DSCAM: variants seen among roughly 807,000 people sequenced by gnomAD.
DSCAM encodes cell adhesion molecule DSCAM.
Under a neutral mutation model 217.7 loss-of-function variants are expected in DSCAM, and 47 were observed. The ratio of observed to expected loss-of-function variants is 0.22; its 90% CI spans 0.17 to 0.28. The LOEUF (loss-of-function observed/expected upper bound fraction) is 0.28, where lower values mean the gene tolerates loss of function less well. DSCAM is among the 10% of genes least tolerant of loss of function. DSCAM has a pLI of 1.00. For synonymous variants in DSCAM, 1,056 were observed against 1,015.3 expected (o/e 1.04, Z -0.76); for missense variants, 2,080 against 2,618.3 (o/e 0.79, Z 4.49).
chr21:40,820,004 T>C (rs1409575806), intron 1 of DSCAM, among the ~76,000 whole-genome samples: 1 of 151,996 alleles, frequency 6.6e-6, no homozygotes, highest in Non-Finnish European at 1.5e-5. Flanking sequence ...ATAATGTGTG[T>C]AGGGATATAT....
chr21:40,489,256 G>A (rs376138973), intron 3 of DSCAM, among the ~76,000 whole-genome samples: 47 of 152,218 alleles, frequency 3.1e-4, no homozygotes, highest in African/African-American at 1.1e-3. Context: ...TCAGTTAAAG[G>A]CCTAAATGGA....
At chr21:40,764,993 C>T (rs2091373209) in intron 1 of DSCAM, among the ~76,000 whole-genome samples, 1 of 151,590 alleles carries the variant, frequency 6.6e-6, no homozygotes, top group Non-Finnish European at 1.5e-5. Context: ...GAAAAATGCC[C>T]AATGCATGCA....
At chr21:40,841,763 G>T (rs2123685649) in intron 1 of DSCAM, among the ~76,000 whole-genome samples, 1 of 152,350 alleles carries the variant, frequency 6.6e-6, no homozygotes, top group East Asian at 1.9e-4. Flanking sequence ...CCACGCCGGG[G>T]TTCCCTCGCG....
At chr21:40,779,032 GAAAAAAAAAAAAAA>G (rs772208075) in intron 1 of DSCAM, among the ~76,000 whole-genome samples, 50 of 45,540 alleles carry the variant, frequency 1.1e-3, no homozygotes, top group African/African-American at 2.5e-3. Flanking sequence ...CTCAAAAACA[GAAAAAAAAAAAAAA>G]AAAAAAAAAA....
chr21:40,141,003 G>T (rs2090283683), intron 18 of DSCAM, among the ~76,000 whole-genome samples: 1 of 152,180 alleles, frequency 6.6e-6, no homozygotes, highest in Non-Finnish European at 1.5e-5. Context: ...GGCAACAAAG[G>T]CATGAGGTCT....
chr21:40,273,635 G>A (rs1428190577), intron 11 of DSCAM, among the ~76,000 whole-genome samples: 2 of 152,134 alleles, frequency 1.3e-5, no homozygotes, highest in African/African-American at 2.4e-5. Flanking sequence ...TTTTCGTTCC[G>A]TAGTTTCTTA....
chr21:40,464,158 C>T (rs903276402), intron 3 of DSCAM, among the ~76,000 whole-genome samples: 29 of 152,184 alleles, frequency 1.9e-4, no homozygotes, highest in African/African-American at 7.0e-4. Flanking sequence ...ACTCTGCAGC[C>T]TGACTGCTTC....
intron 5 of DSCAM, among the ~76,000 whole-genome samples, chr21:40,348,482 C>G (rs1443125439): frequency 6.6e-6 from 1 of 151,998 alleles, no homozygotes; most frequent in Non-Finnish European, 1.5e-5. Flanking sequence ...CAATCATACC[C>G]ACACAGTTCC....
In DSCAM at chr21:40,011,756, C is replaced by T. The variant is rs2088059199; in HGVS notation, c.*1278G>A. On this transcript the variant is annotated 3_prime_UTR_variant, in exon 33 of 33. Coordinates refer to ENST00000400454, the MANE Select transcript of DSCAM (RefSeq NM_001389.5). ...TTAGATTTTAGAGGAACATCACTTTCCTCTGGTTACAGAGGATTCAGGCAA... is the reference window on the plus strand; with the variant it reads ...TTAGATTTTAGAGGAACATCACTTTTCTCTGGTTACAGAGGATTCAGGCAA... 1 of 152,166 alleles carries T rather than the reference C, an allele frequency of 6.6e-6. No individual in the cohort carries two copies. Among genetic ancestry groups the T allele is most frequent in the Admixed American group, 6.5e-5 (1 of 15,278 alleles). 9.4% of individuals were successfully genotyped at this position (152,166 alleles called of 1,614,324 possible).
At chr21:40,651,654 C>T (rs1038539416) in intron 3 of DSCAM, among the ~76,000 whole-genome samples, 14 of 152,266 alleles carry the variant, frequency 9.2e-5, no homozygotes, top group African/African-American at 3.4e-4. Context: ...GTTGGAAACT[C>T]AGTTTCACCG....
intron 1 of DSCAM, among the ~76,000 whole-genome samples, chr21:40,825,568 T>C (rs919621662): frequency 2.6e-5 from 4 of 152,072 alleles, no homozygotes; most frequent in African/African-American, 9.7e-5. Flanking sequence ...TCTGCCCACC[T>C]CAGCCTCCCA....
intron 18 of DSCAM, among the ~76,000 whole-genome samples, chr21:40,135,355 G>A (rs2090196412): frequency 2.0e-5 from 3 of 152,196 alleles, no homozygotes; most frequent in South Asian, 2.1e-4. Flanking sequence ...AGGTGCCAGC[G>A]CTATGCTATT....
At chr21:40,068,547 A>G (rs1288522621) in intron 27 of DSCAM, among the ~76,000 whole-genome samples, 4 of 152,248 alleles carry the variant, frequency 2.6e-5, no homozygotes, top group Admixed American at 2.0e-4. Context: ...ACATAAAATT[A>G]TATAGTAGCT....
chr21:40,188,301 G>A (rs535017596), intron 12 of DSCAM, among the ~76,000 whole-genome samples: 14 of 152,326 alleles, frequency 9.2e-5, no homozygotes, highest in African/African-American at 2.9e-4. Context: ...ATAAGATGTC[G>A]TGGTCAGCTT....
chr21:40,112,814 A>C (rs545705863), intron 20 of DSCAM, among the ~76,000 whole-genome samples: 1 of 152,220 alleles, frequency 6.6e-6, no homozygotes, highest in East Asian at 1.9e-4. Flanking sequence ...TAGAAAATCT[A>C]GAAGAAATGG....
chr21:40,828,288 T>C lies in DSCAM; in HGVS notation c.43+18331A>G, dbSNP rs145222755. On this transcript the variant is annotated intron_variant, in intron 1 of 32. Transcript: ENST00000400454. The stretch of plus-strand genomic sequence containing the variant: ...TACAAGGGCAAAGTCTTTAAGCAGA[T>C]GGGAGATGTGGAATTCTGGACATGA... Among the ~76,000 whole-genome samples, 884 of 152,210 alleles carry C rather than the reference T, an allele frequency of 5.8e-3. 12 individuals carry two copies. The highest frequency in any genetic ancestry group is 0.02 in the African/African-American group (836 of 41,528).
intron 3 of DSCAM, among the ~76,000 whole-genome samples, chr21:40,393,981 T>C (rs963398596): frequency 2.0e-5 from 3 of 152,230 alleles, no homozygotes; most frequent in African/African-American, 7.2e-5. Flanking sequence ...TCCAAATAGA[T>C]ATTTTTCTGC....
intron 3 of DSCAM, among the ~76,000 whole-genome samples, chr21:40,548,015 TA>T (rs2076597497): frequency 6.6e-6 from 1 of 152,178 alleles, no homozygotes; most frequent in African/African-American, 2.4e-5. Flanking sequence ...TCCAATTTTT[TA>T]GTGACAAGTG....
At chr21:40,753,760 T>C (rs2091250255) in intron 1 of DSCAM, among the ~76,000 whole-genome samples, 1 of 152,144 alleles carries the variant, frequency 6.6e-6, no homozygotes. Flanking sequence ...CCACACCTAA[T>C]AGACATACAA....
Sources: gnomAD v4.1 joint callset for allele counts (sites outside exome capture counted in the v4.1 genomes callset) on GRCh38, gnomAD v4.1.1 for gene constraint, MANE v1.5 for transcripts, NCBI Gene and HGNC (gene_info 2026-07-23, HGNC 2026-07-21) for gene names.